Variants in CLCN3 observed in about 807,000 individuals in gnomAD.
The protein encoded by CLCN3 is Cl-/H+ antiporter 3.
A neutral mutation model predicts 83.4 loss-of-function variants in CLCN3; 16 were observed. The ratio of observed to expected loss-of-function variants is 0.19; its 90% CI spans 0.13 to 0.29. The LOEUF (loss-of-function observed/expected upper bound fraction) is 0.29, where lower values mean the gene tolerates loss of function less well. Ranked by LOEUF, CLCN3 falls within the 10% of genes least tolerant of loss-of-function variation. The pLI, the probability that CLCN3 is intolerant of heterozygous loss-of-function variation, is 1.00. For missense variants in CLCN3, 544 were observed against 1,006.0 expected, an observed-to-expected ratio of 0.54 and a Z score of 6.21; for synonymous variants, 322 against 346.2, an observed-to-expected ratio of 0.93 and a Z score of 0.78.
intron 1 of CLCN3, among the ~76,000 whole-genome samples, chr4:169,635,183 T>A (rs1164933973): frequency 6.6e-6 from 1 of 152,218 alleles, no homozygotes; most frequent in Non-Finnish European, 1.5e-5. Flanking sequence ...TGACTGCTTT[T>A]ATGACTGCAT....
intron 1 of CLCN3, among the ~76,000 whole-genome samples, chr4:169,623,605 TA>T (rs1356560692): frequency 1.5e-4 from 23 of 152,196 alleles, no homozygotes; most frequent in Non-Finnish European, 2.9e-5. Flanking sequence ...AATAGATCTC[TA>T]AAACTTACTC....
Position 169,720,321 on chromosome 4 carries a change from T to A in CLCN3, c.*324T>A, listed in dbSNP as rs1581300588. On this transcript the variant is annotated 3_prime_UTR_variant, in exon 13 of 13. Coordinates refer to ENST00000513761, the MANE Select transcript of CLCN3 (RefSeq NM_001829.4). Reference sequence around the variant, plus strand: ...GTGCAGGCTTGCGCCTCAACAGAGATGACAGCAGAGTCCTCGAGCACCTGG... The same window carrying A: ...GTGCAGGCTTGCGCCTCAACAGAGAAGACAGCAGAGTCCTCGAGCACCTGG... The A allele has an allele frequency of 2.8e-6, 1 of 351,100 alleles. No individual in the cohort carries two copies. The highest frequency in any genetic ancestry group is 4.9e-5 in the East Asian group (1 of 20,494). 21.7% of individuals were successfully genotyped at this position (351,100 alleles called of 1,614,324 possible). A position where few individuals can be genotyped will look rare whatever the true frequency, so the allele number is the denominator to read the frequency against.
At chr4:169,639,196 A>T (rs1426900761) in intron 2 of CLCN3, among the ~76,000 whole-genome samples, 1 of 152,096 alleles carries the variant, frequency 6.6e-6, no homozygotes, top group East Asian at 1.9e-4. Flanking sequence ...GACCCAGCTA[A>T]TTTTTTAAAA....
chr4:169,672,428 C>T (rs1171949837), intron 2 of CLCN3, among the ~76,000 whole-genome samples: 1 of 151,890 alleles, frequency 6.6e-6, no homozygotes, highest in African/African-American at 2.4e-5. Context: ...GTGTGAGTCA[C>T]CACGCCCAGC....
chr4:169,668,730 A>ATTTTT (rs538629875), intron 2 of CLCN3, among the ~76,000 whole-genome samples: 1 of 141,738 alleles, frequency 7.1e-6, no homozygotes. Context: ...AAAGTTTTTG[A>ATTTTT]TTTTTTTTTT....
intron 2 of CLCN3, among the ~76,000 whole-genome samples, chr4:169,665,911 G>T (rs1431510249): frequency 3.3e-5 from 5 of 151,176 alleles, no homozygotes; most frequent in Non-Finnish European, 5.9e-5. Flanking sequence ...AAAGGCTTAG[G>T]CTCCTGCCAG....
At chr4:169,627,015 A>G (rs1773251458) in intron 1 of CLCN3, among the ~76,000 whole-genome samples, 1 of 152,100 alleles carries the variant, frequency 6.6e-6, no homozygotes, top group African/African-American at 2.4e-5. Context: ...TACCCTTCTT[A>G]TCTGGCTTTC....
rs754992173 is a variant in CLCN3, at chr4:169,692,327, G to A, written c.936+7G>A. ...CGAAGCTAAAAAAAGGGAGGTAAGT[G>A]TCTTTTGTAGTTAATTTGACTGAAA... On this transcript the variant is annotated splice_region_variant and intron_variant, in intron 7 of 12. Transcript: ENST00000513761. The A allele has an allele frequency of 1.4e-5, 21 of 1,493,510 alleles. No individual in the cohort carries two copies. The highest frequency in any genetic ancestry group is 3.7e-6 in the Non-Finnish European group (4 of 1,077,882). The allele number at this position is 1,493,510 out of a possible 1,614,324, so 92.5% of individuals were successfully genotyped here.
intron 2 of CLCN3, among the ~76,000 whole-genome samples, chr4:169,661,431 T>C (rs2150220124): frequency 6.6e-6 from 1 of 152,282 alleles, no homozygotes; most frequent in Admixed American, 6.5e-5. Flanking sequence ...ATTTAAAATA[T>C]ACTTTGTGTT....
chr4:169,722,563 GGTTTCTTTGCAGATAGCTTC>G lies in CLCN3; in HGVS notation c.*2569_*2588del, dbSNP rs1733674224. 6.6e-6 allele frequency: 1 copy of G among 152,160 alleles called. No individual in the cohort carries two copies. The highest frequency in any genetic ancestry group is 2.1e-4 in the South Asian group (1 of 4,834). 9.4% of individuals were successfully genotyped at this position (152,160 alleles called of 1,614,324 possible). ...GTTAATAGCCTTCAAAGGACAAATCGGTTTCTTTGCAGATAGCTTCGTAAAACTTCACATGGAGTTTATTT... is the reference window on the plus strand; with the variant it reads ...GTTAATAGCCTTCAAAGGACAAATCGGTAAAACTTCACATGGAGTTTATTT... On this transcript the variant is annotated 3_prime_UTR_variant, in exon 13 of 13. Transcript: ENST00000513761.
chr4:169,627,150 C>T (rs1454300678), intron 1 of CLCN3, among the ~76,000 whole-genome samples: 2 of 152,048 alleles, frequency 1.3e-5, no homozygotes, highest in Non-Finnish European at 2.9e-5. Context: ...ATGAACCCCT[C>T]CCCTTCATGA....
At chr4:169,684,655 T>C (rs1264002665) in intron 3 of CLCN3, among the ~76,000 whole-genome samples, 1 of 152,208 alleles carries the variant, frequency 6.6e-6, no homozygotes, top group East Asian at 1.9e-4. Flanking sequence ...AGGTACAATC[T>C]AGGCACTAGG....
At chr4:169,677,302 A>T (rs1731718567) in intron 2 of CLCN3, among the ~76,000 whole-genome samples, 1 of 152,134 alleles carries the variant, frequency 6.6e-6, no homozygotes, top group South Asian at 2.1e-4. Context: ...GGGATTGGCA[A>T]ACTATGAGCC....
At chr4:169,644,623 T>C (rs1202733733) in intron 2 of CLCN3, among the ~76,000 whole-genome samples, 1 of 152,206 alleles carries the variant, frequency 6.6e-6, no homozygotes, top group African/African-American at 2.4e-5. Context: ...CTATTGCTTT[T>C]GTACTATAAA....
chr4:169,625,363 C>G (rs1773207835), intron 1 of CLCN3, among the ~76,000 whole-genome samples: 1 of 152,142 alleles, frequency 6.6e-6, no homozygotes, highest in Admixed American at 6.5e-5. Context: ...CAGTCAGTCT[C>G]CTTTATGGGA....
intron 2 of CLCN3, among the ~76,000 whole-genome samples, chr4:169,659,276 GGTTTTT>G (rs1730974566): frequency 6.6e-6 from 1 of 151,892 alleles, no homozygotes; most frequent in Non-Finnish European, 1.5e-5. Flanking sequence ...AGCATTGTGC[GGTTTTT>G]GTTTTTGTTT....
intron 2 of CLCN3, among the ~76,000 whole-genome samples, chr4:169,643,807 A>G (rs939916764): frequency 1.2e-4 from 18 of 152,178 alleles, no homozygotes; most frequent in African/African-American, 4.3e-4. Flanking sequence ...AAGTGTTGGG[A>G]AGCTGTCTGG....
At chr4:169,652,795 T>C (rs148092973) in intron 2 of CLCN3, among the ~76,000 whole-genome samples, 1,951 of 152,326 alleles carry the variant, frequency 0.013, 19 homozygotes, top group Middle Eastern at 0.044. Flanking sequence ...ATTTTGTCAG[T>C]GTGCTAGCTA....
chr4:169,629,893 G>A (rs1420047046), intron 1 of CLCN3, among the ~76,000 whole-genome samples: 1 of 152,186 alleles, frequency 6.6e-6, no homozygotes, highest in Admixed American at 6.5e-5. Flanking sequence ...CTTACTAACT[G>A]CATGACTTTG....
Sources: gnomAD v4.1 joint callset for allele counts (sites outside exome capture counted in the v4.1 genomes callset) on GRCh38, gnomAD v4.1.1 for gene constraint, MANE v1.5 for transcripts, NCBI Gene and HGNC (gene_info 2026-07-23, HGNC 2026-07-21) for gene names.